The following MYRF variants were observed in gnomAD, a reference collection of about 807,000 sequenced individuals.
The protein encoded by MYRF is myelin regulatory factor, also known as myelin gene regulatory factor.
Under a neutral mutation model 126.3 loss-of-function variants are expected in MYRF, and 16 were observed. That is an observed-to-expected ratio of 0.13 (90% CI 0.09 to 0.19). The LOEUF (loss-of-function observed/expected upper bound fraction) is 0.19, where lower values mean the gene tolerates loss of function less well. Ranked by LOEUF, MYRF falls within the 10% of genes least tolerant of loss-of-function variation. MYRF has a pLI of 1.00. For synonymous variants in MYRF, 608 were observed against 635.3 expected (o/e 0.96, Z 0.65); for missense variants, 1,104 against 1,547.0 (o/e 0.71, Z 4.80).
chr11:61,781,950 C>T (rs755675092), intron 22 of MYRF, 126 bp downstream of exon 22: 1 of 1,205,754 alleles, frequency 8.3e-7, no homozygotes, highest in Non-Finnish European at 1.1e-6. Flanking sequence ...TTGCTGAGCA[C>T]AGAATAAGGA....
At position 61,783,368 on chromosome 11, in the gene MYRF, G is replaced by A. The variant is rs1433727753; in HGVS notation, c.3017-130G>A. 1.4e-6 allele frequency: 1 copy of A among 719,200 alleles called. No homozygotes were observed. The highest frequency in any genetic ancestry group is 2.5e-6 in the Non-Finnish European group (1 of 404,576). 44.6% of individuals were successfully genotyped at this position (719,200 alleles called of 1,614,324 possible). ...GTGTAGTGTGATGCTGGCCATTGTG[G>A]AGGTCTGGAAAAAAATAACCTGGAA... On this transcript the variant is annotated intron_variant, in intron 22 of 26. Transcript: ENST00000278836. This position sits in a 1 kb window ranked among gnomAD's most constrained non-coding sequence, Gnocchi z 4.6.
intron 8 of MYRF, among the ~76,000 whole-genome samples, chr11:61,775,696 G>A (rs1224376904): frequency 6.6e-6 from 1 of 151,948 alleles, no homozygotes; most frequent in African/African-American, 2.4e-5. Flanking sequence ...ACATGAGGGA[G>A]GGTGGGGCTG....
Position 61,757,214 on chromosome 11 carries a change from G to A in MYRF, c.46+4424G>A. On this transcript the variant is annotated intron_variant, in intron 1 of 26. Transcript: ENST00000278836. The surrounding 1 kb of genome is among the most constrained non-coding windows in gnomAD (Gnocchi z 4.7). ...CAGCCCCGGCTGCCACGGGGTGTGG[G>A]TACCTCTTGGTTGGGTCTCGGGGTA... The A allele has an allele frequency of 2.2e-6, 1 of 456,808 alleles. No homozygotes were observed. Among genetic ancestry groups the A allele is most frequent in the Non-Finnish European group, 4.4e-6 (1 of 226,950 alleles). The allele number at this position is 456,808 out of a possible 1,614,324, so 28.3% of individuals were successfully genotyped here. A position where few individuals can be genotyped will look rare whatever the true frequency, so the allele number is the denominator to read the frequency against.
rs2066711015 is a variant in MYRF at position 61,787,049 on chromosome 11, G to C, written c.*906G>C. Reference sequence around the variant, plus strand: ...GATCAGTGACCACATCATTCTCTCTGAGCAGAGGAGCAGGAATCCCTCAAG... The same window carrying C: ...GATCAGTGACCACATCATTCTCTCTCAGCAGAGGAGCAGGAATCCCTCAAG... On this transcript the variant is annotated 3_prime_UTR_variant, in exon 27 of 27. Coordinates refer to ENST00000278836, the MANE Select transcript of MYRF (RefSeq NM_001127392.3). The C allele has an allele frequency of 6.5e-6, 1 of 152,858 alleles. No individual in the cohort carries two copies. The highest frequency in any genetic ancestry group is 3.4e-3 in the Middle Eastern group (1 of 294). 9.5% of individuals were successfully genotyped at this position (152,858 alleles called of 1,614,324 possible).
chr11:61,764,684 C>T (rs971660760), intron 1 of MYRF, among the ~76,000 whole-genome samples: 20 of 152,342 alleles, frequency 1.3e-4, no homozygotes, highest in Admixed American at 1.2e-3. Context: ...TCACCCCGCC[C>T]TCTGGCTCCC....
intron 3 of MYRF, chr11:61,767,338 C>T (rs1477654308): frequency 2.2e-6 from 1 of 456,586 alleles, no homozygotes; most frequent in Non-Finnish European, 4.4e-6. Flanking sequence ...ATTGCGTGAG[C>T]TCATCAGCCT....
Position 61,770,333 on chromosome 11 carries a change from C to T in MYRF, c.548C>T (p.Ala183Val). ...CTGGAGCATCCGCCCCCACCTCCAGCCCACTTGCCAGGCCCCCCGCCACCC... is the reference window on the plus strand; with the variant it reads ...CTGGAGCATCCGCCCCCACCTCCAGTCCACTTGCCAGGCCCCCCGCCACCC... ...SRLEHPPPPP[A>V]HLPGPPPPPP... Residue 183 changes from alanine (A) to valine (V), a missense_variant, in exon 5 of 27, where the codon GCC becomes GTC. This residue lies in a region of MYRF where 368 missense variants were observed against 403.9 expected (regional missense o/e 0.91). Transcript: ENST00000278836. 1 of 1,559,430 alleles carries T rather than the reference C, an allele frequency of 6.4e-7. No individual in the cohort carries two copies. The highest frequency in any genetic ancestry group is 8.7e-7 in the Non-Finnish European group (1 of 1,152,242).
In MYRF at chr11:61,771,484, A is replaced by G; in HGVS notation, c.741-16A>G. Reference sequence around the variant, plus strand: ...GGGAGAGCCAGCCCCCACGGCGCACACTTCTGTTTCCCCAGGCTCCCTACA... The same window carrying G: ...GGGAGAGCCAGCCCCCACGGCGCACGCTTCTGTTTCCCCAGGCTCCCTACA... On this transcript the variant is annotated splice_polypyrimidine_tract_variant and intron_variant, in intron 5 of 26. Coordinates refer to ENST00000278836, the MANE Select transcript of MYRF (RefSeq NM_001127392.3). The G allele has an allele frequency of 6.2e-7, 1 of 1,604,948 alleles. No homozygotes were observed. Among genetic ancestry groups the G allele is most frequent in the Non-Finnish European group, 8.5e-7 (1 of 1,173,920 alleles).
intron 1 of MYRF, among the ~76,000 whole-genome samples, chr11:61,761,407 C>G (rs143159338): frequency 3.3e-5 from 5 of 152,206 alleles, no homozygotes; most frequent in Non-Finnish European, 7.4e-5. Context: ...CTTAAGGAGA[C>G]GAGGAGAGAA....
chr11:61,778,747 A>AC lies in MYRF; in HGVS notation c.2013+263dup. 1 of 626,562 alleles carries AC rather than the reference A, an allele frequency of 1.6e-6. No individual in the cohort carries two copies. The highest frequency in any genetic ancestry group is 3.3e-5 in the East Asian group (1 of 30,254). 38.8% of individuals were successfully genotyped at this position (626,562 alleles called of 1,614,324 possible). On this transcript the variant is annotated intron_variant, in intron 14 of 26. Transcript: ENST00000278836. This position sits in a 1 kb window ranked among gnomAD's most constrained non-coding sequence, Gnocchi z 4.6. ...ACCCTGTGGAGGGCCATGGCCTTCC[A>AC]CCCCCGGTAAAATGAGGGCGGTAAT...
chr11:61,777,571 GGGAA>G lies in MYRF; in HGVS notation c.1791+114_1791+117del, dbSNP rs1372498882. The G allele has an allele frequency of 6.4e-6, 9 of 1,409,580 alleles. No homozygotes were observed. The African/African-American group carries it at 7.1e-5, about 11-fold the overall frequency. 87.3% of individuals were successfully genotyped at this position (1,409,580 alleles called of 1,614,324 possible). A position where few individuals can be genotyped will look rare whatever the true frequency, so the allele number is the denominator to read the frequency against. ...ACTACGCGGAAAGGCGGAGCTGCGG[GGGAA>G]GGAAGGGAGGGAGGCTGGCCTCGAA... On this transcript the variant is annotated intron_variant, in intron 12 of 26. Transcript: ENST00000278836. This position sits in a 1 kb window ranked among gnomAD's most constrained non-coding sequence, Gnocchi z 8.8.
rs2066736376 is a variant in MYRF at position 61,788,104 on chromosome 11, C to A, written c.*1961C>A. The stretch of plus-strand genomic sequence containing the variant: ...TCAGGGAAGGTAAGTGGGCCACCTG[C>A]TGGAAGCTGCCAGCTGCCCGGCTGG... On this transcript the variant is annotated 3_prime_UTR_variant, in exon 27 of 27. Coordinates refer to ENST00000278836, the MANE Select transcript of MYRF (RefSeq NM_001127392.3). 6.5e-6 allele frequency: 1 copy of A among 152,794 alleles called. No individual in the cohort carries two copies. Among genetic ancestry groups the A allele is most frequent in the African/African-American group, 2.4e-5 (1 of 41,436 alleles). The allele number at this position is 152,794 out of a possible 1,614,324, so 9.5% of individuals were successfully genotyped here. A position where few individuals can be genotyped will look rare whatever the true frequency, so the allele number is the denominator to read the frequency against.
intron 18 of MYRF, 75 bp from the exon 19 acceptor site, chr11:61,780,637 G>C (rs1243628646): frequency 7.0e-7 from 1 of 1,436,320 alleles, no homozygotes; most frequent in African/African-American, 1.4e-5. Context: ...CCAGCTCCTG[G>C]GGCCACCTCT....
At chr11:61,781,471 A>T in intron 21 of MYRF, 102 bp from the exon 22 acceptor site, 2 of 1,543,284 alleles carry the variant, frequency 1.3e-6, no homozygotes. Flanking sequence ...GAGAGGACCA[A>T]GAGACACATG....
At chr11:61,759,187 G>T (rs1441608788) in intron 1 of MYRF, among the ~76,000 whole-genome samples, 1 of 152,240 alleles carries the variant, frequency 6.6e-6, no homozygotes, top group Non-Finnish European at 1.5e-5. Context: ...GCCTGCCCTG[G>T]TCCCTGTGGG....
chr11:61,771,834 C>T lies in MYRF; in HGVS notation c.997C>T (p.Leu333=). ...TGGGCGTTCCCTCCCTCCAGGCCTC[C>T]TGCAGGACAGTGACAGCCTCAGTGG... ...HPPGAPSPGL[L]QDSDSLSGSY... The change falls in exon 7 of 27, where the codon CTG becomes TTG. Residue 333 remains leucine (L), a synonymous_variant. Coordinates refer to ENST00000278836, the MANE Select transcript of MYRF (RefSeq NM_001127392.3). 1 of 1,614,128 alleles carries T rather than the reference C, an allele frequency of 6.2e-7. No homozygotes were observed. The highest frequency in any genetic ancestry group is 8.5e-7 in the Non-Finnish European group (1 of 1,179,996).
chr11:61,777,944 C>A lies in MYRF; in HGVS notation c.1903+99C>A. 1.1e-6 allele frequency: 1 copy of A among 920,838 alleles called. No individual in the cohort carries two copies. Among genetic ancestry groups the A allele is most frequent in the South Asian group, 1.4e-5 (1 of 70,068 alleles). 57.0% of individuals were successfully genotyped at this position (920,838 alleles called of 1,614,324 possible). On this transcript the variant is annotated intron_variant, in intron 13 of 26. Coordinates refer to ENST00000278836, the MANE Select transcript of MYRF (RefSeq NM_001127392.3). The surrounding 1 kb of genome is among the most constrained non-coding windows in gnomAD (Gnocchi z 8.8). Reference sequence around the variant, plus strand: ...CACCTGGAAATCCTACTCCTCTTGACTCCCGGAACTGCGCCCCTGGGAATC... The same window carrying A: ...CACCTGGAAATCCTACTCCTCTTGAATCCCGGAACTGCGCCCCTGGGAATC...
At chr11:61,763,284 G>A (rs917508148) in intron 1 of MYRF, among the ~76,000 whole-genome samples, 8 of 152,210 alleles carry the variant, frequency 5.3e-5, no homozygotes, top group Admixed American at 6.5e-5. Context: ...CTGAACAGGG[G>A]ATGGTGATTA....
rs1232847323 is a variant in MYRF at position 61,752,756 on chromosome 11, G to A, written c.12G>A (p.Val4=). 3 of 1,482,486 alleles carry A rather than the reference G, an allele frequency of 2.0e-6. No individual in the cohort carries two copies. The Admixed American group carries it at 7.6e-5, about 38-fold the overall frequency. 91.8% of individuals were successfully genotyped at this position (1,482,486 alleles called of 1,614,324 possible). Residue 4 remains valine, a synonymous_variant, in exon 1 of 27, where the codon GTG becomes GTA. Transcript: ENST00000278836. ...CGGGCAGGCGGGACATGGAGGTGGT[G>A]GACGAGACGGAGGCGCTGCAGCGCT... is the stretch of plus-strand genomic sequence containing the variant. MEV[V]DETEALQRFF...
Sources: gnomAD v4.1 joint callset for allele counts (sites outside exome capture counted in the v4.1 genomes callset) on GRCh38, gnomAD v4.1.1 for gene constraint, gnomAD v4.1.1 regional missense constraint, Gnocchi (gnomAD v3.1) non-coding constraint, MANE v1.5 for transcripts, NCBI Gene and HGNC (gene_info 2026-07-23, HGNC 2026-07-21) for gene names.